The following JUN variants were observed in gnomAD, a reference collection of about 807,000 sequenced individuals.
JUN encodes the protein Jun proto-oncogene, AP-1 transcription factor subunit, also known as transcription factor Jun.
Under a neutral mutation model 19.7 loss-of-function variants are expected in JUN, and 7 were observed. The ratio of observed to expected loss-of-function variants is 0.36; its 90% CI spans 0.20 to 0.67. JUN has a LOEUF of 0.67. Ranked by LOEUF, JUN falls within the 30% of genes least tolerant of loss-of-function variation. JUN has a pLI of 0.64. For missense variants in JUN, 373 were observed against 451.0 expected (o/e 0.83, Z 1.57); for synonymous variants, 246 against 206.9 (o/e 1.19, Z -1.62).
At position 58,780,952 on chromosome 1, in the gene JUN, AT is replaced by A. The variant is rs1419051792; in HGVS notation, c.*1122del. 9 of 233,048 alleles carry A rather than the reference AT, an allele frequency of 3.9e-5. No individual in the cohort carries two copies. The highest frequency in any genetic ancestry group is 1.7e-4 in the Admixed American group (3 of 17,782). 14.4% of individuals were successfully genotyped at this position (233,048 alleles called of 1,614,324 possible). A position where few individuals can be genotyped will look rare whatever the true frequency, so the allele number is the denominator to read the frequency against. ...ATTCCTGCTTTGAGAATAAGCACCT[AT>A]TGTAAAATTTCTACTAACATTATAA... is the stretch of plus-strand genomic sequence containing the variant. On this transcript the variant is annotated 3_prime_UTR_variant, in exon 1 of 1. Coordinates refer to ENST00000371222, the MANE Select transcript of JUN (RefSeq NM_002228.4).
At position 58,783,229 on chromosome 1, in the gene JUN, G is replaced by A. The variant is rs916611057; in HGVS notation, c.-159C>T. 38 of 1,119,870 alleles carry A rather than the reference G, an allele frequency of 3.4e-5. 1 individual carries two copies. Among genetic ancestry groups the A allele is most frequent in the Non-Finnish European group, 7.6e-6 (6 of 793,734 alleles). The allele number at this position is 1,119,870 out of a possible 1,614,324, so 69.4% of individuals were successfully genotyped here. A position where few individuals can be genotyped will look rare whatever the true frequency, so the allele number is the denominator to read the frequency against. On this transcript the variant is annotated 5_prime_UTR_variant, in exon 1 of 1. Coordinates refer to ENST00000371222, the MANE Select transcript of JUN (RefSeq NM_002228.4). ...CACGCACCCGCTGGCTGTCGTCCCCGCTGCGCCCTCCTCACCAGCTCGCTC... is the reference window on the plus strand; with the variant it reads ...CACGCACCCGCTGGCTGTCGTCCCCACTGCGCCCTCCTCACCAGCTCGCTC...
chr1:58,781,809 T>G lies in JUN; in HGVS notation c.*266A>C. On this transcript the variant is annotated 3_prime_UTR_variant, in exon 1 of 1. Coordinates refer to ENST00000371222, the MANE Select transcript of JUN (RefSeq NM_002228.4). ...TGTTAACGAAAAGTCCAACGTTCCGTTCGCGCGGGGACAGCCCGTCCGCAA... is the reference window on the plus strand; with the variant it reads ...TGTTAACGAAAAGTCCAACGTTCCGGTCGCGCGGGGACAGCCCGTCCGCAA... The G allele has an allele frequency of 6.3e-6, 3 of 474,088 alleles. No homozygotes were observed. Among genetic ancestry groups the G allele is most frequent in the African/African-American group, 2.0e-5 (1 of 50,810 alleles). 29.4% of individuals were successfully genotyped at this position (474,088 alleles called of 1,614,324 possible). A position where few individuals can be genotyped will look rare whatever the true frequency, so the allele number is the denominator to read the frequency against.
chr1:58,783,664 T>C lies in JUN; in HGVS notation c.-594A>G. 8.1e-6 allele frequency: 2 copies of C among 246,884 alleles called. No individual in the cohort carries two copies. The highest frequency in any genetic ancestry group is 1.7e-5 in the Non-Finnish European group (2 of 117,926). 15.3% of individuals were successfully genotyped at this position (246,884 alleles called of 1,614,324 possible). On this transcript the variant is annotated 5_prime_UTR_variant, in exon 1 of 1. Coordinates refer to ENST00000371222, the MANE Select transcript of JUN (RefSeq NM_002228.4). ...GAGAAGCCTAAGACGCAGGAAAGGC[T>C]TGCAAAAGTTGGCTCCGGGACTCTG...
chr1:58,781,892 A>G lies in JUN; in HGVS notation c.*183T>C, dbSNP rs1645577183. 6.6e-6 allele frequency: 4 copies of G among 608,372 alleles called. No homozygotes were observed. The Admixed American group carries it at 9.5e-5, about 14-fold the overall frequency. 37.7% of individuals were successfully genotyped at this position (608,372 alleles called of 1,614,324 possible). On this transcript the variant is annotated 3_prime_UTR_variant, in exon 1 of 1. Coordinates refer to ENST00000371222, the MANE Select transcript of JUN (RefSeq NM_002228.4). ...CTCCACGCCAAGGGAGGGCGCGCCA[A>G]GTCCTTCCCACTCGTGCACACTGGG...
At position 58,781,202 on chromosome 1, in the gene JUN, G is replaced by T. The variant is rs1323365280; in HGVS notation, c.*873C>A. 8.6e-6 allele frequency: 2 copies of T among 233,208 alleles called. No homozygotes were observed. Among genetic ancestry groups the T allele is most frequent in the East Asian group, 1.2e-4 (2 of 16,490 alleles). The allele number at this position is 233,208 out of a possible 1,614,324, so 14.4% of individuals were successfully genotyped here. A position where few individuals can be genotyped will look rare whatever the true frequency, so the allele number is the denominator to read the frequency against. On this transcript the variant is annotated 3_prime_UTR_variant, in exon 1 of 1. Coordinates refer to ENST00000371222, the MANE Select transcript of JUN (RefSeq NM_002228.4). ...TATTTCTAAAGTCTAATAGAGAACA[G>T]TTTTTACTGCTTAATAGTAAGAAGC... is the stretch of plus-strand genomic sequence containing the variant.
rs1320581733 is a variant in JUN at position 58,783,034 on chromosome 1, C to T, written c.37G>A (p.Ala13Thr). 1 of 1,614,166 alleles carries T rather than the reference C, an allele frequency of 6.2e-7. No homozygotes were observed. The highest frequency in any genetic ancestry group is 8.5e-7 in the Non-Finnish European group (1 of 1,180,016). The change falls in exon 1 of 1, where the codon GCC becomes ACC. Residue 13 changes from alanine to threonine, a missense_variant. Ala to Thr is a moderately conservative substitution (Grantham distance 58). This residue lies in a region of JUN where 113 missense variants were observed against 136.9 expected (regional missense o/e 0.83). Transcript: ENST00000371222. ...GACGGGAGGAACGAGGCGTTGAGGG[C>T]ATCGTCATAGAAGGTCGTTTCCATC... ...AKMETTFYDD[A>T]LNASFLPSES... is the part of the protein sequence containing the mutation.
Position 58,781,728 on chromosome 1 carries a change from TC to T in JUN, c.*346del. The T allele has an allele frequency of 6.0e-6, 1 of 165,920 alleles. No homozygotes were observed. Among genetic ancestry groups the T allele is most frequent in the East Asian group, 1.2e-4 (1 of 8,394 alleles). 10.3% of individuals were successfully genotyped at this position (165,920 alleles called of 1,614,324 possible). ...ATTGCAGTTTGTAACCCCCTCCCCC[TC>T]CCCCCTTTAATACTGAATGAGATCG... is the stretch of plus-strand genomic sequence containing the variant. On this transcript the variant is annotated 3_prime_UTR_variant, in exon 1 of 1. Transcript: ENST00000371222.
chr1:58,781,136 G>A lies in JUN; in HGVS notation c.*939C>T, dbSNP rs997099923. On this transcript the variant is annotated 3_prime_UTR_variant, in exon 1 of 1. Transcript: ENST00000371222. ...TCCATATAGATAGCTGGGGGAGGAG[G>A]AGTATAACCTGACCATAGCATCAGG... is the stretch of plus-strand genomic sequence containing the variant. 6 of 233,056 alleles carry A rather than the reference G, an allele frequency of 2.6e-5. No individual in the cohort carries two copies. The highest frequency in any genetic ancestry group is 4.2e-5 in the Non-Finnish European group (5 of 117,892). 14.4% of individuals were successfully genotyped at this position (233,056 alleles called of 1,614,324 possible).
Position 58,783,143 on chromosome 1 carries a change from G to T in JUN, c.-73C>A. On this transcript the variant is annotated 5_prime_UTR_variant, in exon 1 of 1. Transcript: ENST00000371222. The stretch of plus-strand genomic sequence containing the variant: ...AGTTTCGGGGCCGCAACAGGGCTGT[G>T]GCAAGCGGGGGACACCCGCGCCCCC... 1 of 1,534,276 alleles carries T rather than the reference G, an allele frequency of 6.5e-7. No homozygotes were observed. Among genetic ancestry groups the T allele is most frequent in the South Asian group, 1.3e-5 (1 of 79,038 alleles).
rs1187387072 is a variant in JUN at position 58,781,824 on chromosome 1, C to T, written c.*251G>A. On this transcript the variant is annotated 3_prime_UTR_variant, in exon 1 of 1. Coordinates refer to ENST00000371222, the MANE Select transcript of JUN (RefSeq NM_002228.4). ...CAACGTTCCGTTCGCGCGGGGACAG[C>T]CCGTCCGCAAAGCGGGGCAGCCCGC... 14 of 537,622 alleles carry T rather than the reference C, an allele frequency of 2.6e-5. No homozygotes were observed. In the East Asian group the frequency reaches 4.1e-4, roughly 16 times the overall value. The allele number at this position is 537,622 out of a possible 1,614,324, so 33.3% of individuals were successfully genotyped here.
rs1018866744 is a variant in JUN at position 58,782,486 on chromosome 1, C to G, written c.585G>C (p.Leu195=). The change falls in exon 1 of 1, where the codon CTG becomes CTC. Residue 195 remains leucine, a synonymous_variant. Coordinates refer to ENST00000371222, the MANE Select transcript of JUN (RefSeq NM_002228.4). This position sits in a 1 kb window ranked among gnomAD's most constrained non-coding sequence, Gnocchi z 8.7. The part of the protein sequence containing the change: ...GGAPSYGAAG[L]AFPAQPQQQQ... ...GCTGCTGGGGTTGCGCGGGAAAGGC[C>G]AGGCCGGCCGCGCCGTAGGAGGGCG... is the stretch of plus-strand genomic sequence containing the variant. The G allele has an allele frequency of 6.3e-7, 1 of 1,579,060 alleles. No homozygotes were observed. Among genetic ancestry groups the G allele is most frequent in the Non-Finnish European group, 8.6e-7 (1 of 1,168,398 alleles).
At position 58,783,323 on chromosome 1, in the gene JUN, T is replaced by G; in HGVS notation, c.-253A>C. 2.0e-6 allele frequency: 1 copy of G among 508,046 alleles called. No individual in the cohort carries two copies. The highest frequency in any genetic ancestry group is 3.4e-5 in the East Asian group (1 of 29,098). 31.5% of individuals were successfully genotyped at this position (508,046 alleles called of 1,614,324 possible). ...TGTCGACTCGCGCGCGCTACCCGGCTTTGAAAAGTCGCGGTCACTCACTGA... is the reference window on the plus strand; with the variant it reads ...TGTCGACTCGCGCGCGCTACCCGGCGTTGAAAAGTCGCGGTCACTCACTGA... On this transcript the variant is annotated 5_prime_UTR_variant, in exon 1 of 1. Coordinates refer to ENST00000371222, the MANE Select transcript of JUN (RefSeq NM_002228.4).
At position 58,784,040 on chromosome 1, in the gene JUN, C is replaced by G. The variant is rs777843721; in HGVS notation, c.-970G>C. 1 of 246,080 alleles carries G rather than the reference C, an allele frequency of 4.1e-6. No homozygotes were observed. Among genetic ancestry groups the G allele is most frequent in the African/African-American group, 2.3e-5 (1 of 44,444 alleles). The allele number at this position is 246,080 out of a possible 1,614,324, so 15.2% of individuals were successfully genotyped here. On this transcript the variant is annotated 5_prime_UTR_variant, in exon 1 of 1. Transcript: ENST00000371222. ...GCTGCTTCAGCCACACTCAGTGCAA[C>G]TCTGAGCCCTTATCCAGCCCGAGCT...
rs1306113955 is a variant in JUN at position 58,782,342 on chromosome 1, G to A, written c.729C>T (p.Ser243=). ...GCTCCTGGGACTCCATGTCGATGGG[G>A]GACAGGGGCGGTGTCTCGCCGGGCA... The part of the protein sequence containing the change: ...PEMPGETPPL[S]PIDMESQERI... The change falls in exon 1 of 1, where the codon TCC becomes TCT. Residue 243 remains serine, a synonymous_variant. Transcript: ENST00000371222. This position sits in a 1 kb window ranked among gnomAD's most constrained non-coding sequence, Gnocchi z 8.7. The A allele has an allele frequency of 6.2e-7, 1 of 1,614,130 alleles. No homozygotes were observed. Among genetic ancestry groups the A allele is most frequent in the Non-Finnish European group, 8.5e-7 (1 of 1,179,946 alleles).
chr1:58,783,133 A>G lies in JUN; in HGVS notation c.-63T>C. On this transcript the variant is annotated 5_prime_UTR_variant, in exon 1 of 1. Transcript: ENST00000371222. ...TGCGCGCACAAGTTTCGGGGCCGCA[A>G]CAGGGCTGTGGCAAGCGGGGGACAC... 6.4e-7 allele frequency: 1 copy of G among 1,556,582 alleles called. No individual in the cohort carries two copies. Among genetic ancestry groups the G allele is most frequent in the Non-Finnish European group, 8.7e-7 (1 of 1,147,006 alleles).
chr1:58,781,742 C>A lies in JUN; in HGVS notation c.*333G>T, dbSNP rs1306468753. ...CCCCCTCCCCCTCCCCCCTTTAATACTGAATGAGATCGAATGTTAGGTCCA... is the reference window on the plus strand; with the variant it reads ...CCCCCTCCCCCTCCCCCCTTTAATAATGAATGAGATCGAATGTTAGGTCCA... On this transcript the variant is annotated 3_prime_UTR_variant, in exon 1 of 1. Transcript: ENST00000371222. The A allele has an allele frequency of 8.1e-6, 2 of 247,002 alleles. No individual in the cohort carries two copies. The highest frequency in any genetic ancestry group is 1.6e-4 in the East Asian group (2 of 12,614). 15.3% of individuals were successfully genotyped at this position (247,002 alleles called of 1,614,324 possible).
rs1386484758 is a variant in JUN at position 58,782,034 on chromosome 1, T to C, written c.*41A>G. 6.8e-7 allele frequency: 1 copy of C among 1,461,652 alleles called. No homozygotes were observed. The allele number at this position is 1,461,652 out of a possible 1,614,324, so 90.5% of individuals were successfully genotyped here. A position where few individuals can be genotyped will look rare whatever the true frequency, so the allele number is the denominator to read the frequency against. On this transcript the variant is annotated 3_prime_UTR_variant, in exon 1 of 1. Transcript: ENST00000371222. This position sits in a 1 kb window ranked among gnomAD's most constrained non-coding sequence, Gnocchi z 8.7. ...TTCTCAAGTCTGTCTCTCTGTGTTA[T>C]TTTTTTTCTTCGTTGCCCCTCAGCC...
At position 58,783,831 on chromosome 1, in the gene JUN, G is replaced by T. The variant is rs1328251857; in HGVS notation, c.-761C>A. The T allele has an allele frequency of 1.6e-5, 4 of 248,062 alleles. No homozygotes were observed. Among genetic ancestry groups the T allele is most frequent in the Non-Finnish European group, 2.5e-5 (3 of 118,160 alleles). The allele number at this position is 248,062 out of a possible 1,614,324, so 15.4% of individuals were successfully genotyped here. Reference sequence around the variant, plus strand: ...GCAGCAGGGCTCTCCTCCCGGGGGCGGCTGGAGACCAGGCTCTCTGGACAC... The same window carrying T: ...GCAGCAGGGCTCTCCTCCCGGGGGCTGCTGGAGACCAGGCTCTCTGGACAC... On this transcript the variant is annotated 5_prime_UTR_variant, in exon 1 of 1. Coordinates refer to ENST00000371222, the MANE Select transcript of JUN (RefSeq NM_002228.4).
At position 58,783,123 on chromosome 1, in the gene JUN, CGGGGCCGCAACAGG is replaced by C; in HGVS notation, c.-67_-54del. ...TAGTTTGGGCTGCGCGCACAAGTTT[CGGGGCCGCAACAGG>C]GCTGTGGCAAGCGGGGGACACCCGC... On this transcript the variant is annotated 5_prime_UTR_variant, in exon 1 of 1. Transcript: ENST00000371222. 1 of 1,564,996 alleles carries C rather than the reference CGGGGCCGCAACAGG, an allele frequency of 6.4e-7. No individual in the cohort carries two copies. Among genetic ancestry groups the C allele is most frequent in the South Asian group, 1.2e-5 (1 of 84,494 alleles).
Sources: gnomAD v4.1 joint callset for allele counts on GRCh38, gnomAD v4.1.1 for gene constraint, gnomAD v4.1.1 regional missense constraint, Gnocchi (gnomAD v3.1) non-coding constraint, MANE v1.5 for transcripts, NCBI Gene and HGNC (gene_info 2026-07-23, HGNC 2026-07-21) for gene names.